EYA3: variants seen among roughly 807,000 people sequenced by gnomAD.
The protein encoded by EYA3 is EYA transcriptional coactivator and phosphatase 3, also known as protein phosphatase EYA3.
EYA3 carries 39 observed loss-of-function variants against 80.0 expected under a neutral mutation model. The observed-to-expected ratio is 0.49, with a 90% CI of 0.38 to 0.64. EYA3 has a LOEUF of 0.64. Ranked by LOEUF, EYA3 falls within the 30% of genes least tolerant of loss-of-function variation. The pLI is 0.00. For missense variants in EYA3, 523 were observed against 676.1 expected, an observed-to-expected ratio of 0.77 and a Z score of 2.51; for synonymous variants, 206 against 232.8, an observed-to-expected ratio of 0.88 and a Z score of 1.05.
At chr1:28,081,545 T>C (rs926342399) in intron 1 of EYA3, among the ~76,000 whole-genome samples, 11 of 152,192 alleles carry the variant, frequency 7.2e-5, no homozygotes, top group Non-Finnish European at 1.5e-4. Flanking sequence ...GTCTGAAATA[T>C]TCCCCCAAAA....
intron 1 of EYA3, among the ~76,000 whole-genome samples, chr1:28,085,950 C>T (rs1645636208): frequency 3.3e-5 from 5 of 152,220 alleles, no homozygotes; most frequent in Admixed American, 3.3e-4. Context: ...AACTTTTCAA[C>T]TTCTACTTCT....
chr1:28,010,803 G>A (rs528557061), intron 10 of EYA3, 144 bp downstream of exon 10: 31 of 866,572 alleles, frequency 3.6e-5, no homozygotes, highest in South Asian at 2.2e-4. Context: ...TTCTTTTAAC[G>A]TGGCCAATTT....
chr1:28,080,896 G>A (rs1432410960), intron 1 of EYA3, among the ~76,000 whole-genome samples: 5 of 151,640 alleles, frequency 3.3e-5, no homozygotes, highest in African/African-American at 7.3e-5. Flanking sequence ...GATTATAGGC[G>A]CCTGCCACCA....
chr1:28,001,286 C>A (rs1052871028), intron 11 of EYA3, among the ~76,000 whole-genome samples: 4 of 149,430 alleles, frequency 2.7e-5, no homozygotes, highest in African/African-American at 9.8e-5. Flanking sequence ...TGTATTTTCA[C>A]GTTCAGGTCT....
chr1:28,073,585 C>T (rs1001920765), intron 1 of EYA3, among the ~76,000 whole-genome samples: 2 of 151,946 alleles, frequency 1.3e-5, no homozygotes, highest in African/African-American at 4.8e-5. Context: ...CAGGTGTGAG[C>T]CATTGCACCC....
chr1:27,988,442 T>C (rs1352515862), intron 16 of EYA3, 93 bp downstream of exon 16: 18 of 1,383,566 alleles, frequency 1.3e-5, no homozygotes, highest in Non-Finnish European at 1.8e-5. Context: ...ACAAATAAAG[T>C]GTCTAACAAG....
chr1:28,079,304 A>G (rs1035077509), intron 1 of EYA3, among the ~76,000 whole-genome samples: 1 of 152,242 alleles, frequency 6.6e-6, no homozygotes, highest in African/African-American at 2.4e-5. Context: ...GAATTGGGAC[A>G]ATACATAAAT....
intron 4 of EYA3, among the ~76,000 whole-genome samples, chr1:28,041,143 C>A (rs1056604334): frequency 6.6e-6 from 1 of 152,124 alleles, no homozygotes; most frequent in Non-Finnish European, 1.5e-5. Context: ...GCCGGCAGAT[C>A]ACTTGAGGTC....
At chr1:27,988,761 T>C (rs1218816360) in intron 15 of EYA3, 105 bp from the exon 16 acceptor site, 2 of 1,315,650 alleles carry the variant, frequency 1.5e-6, no homozygotes, top group Non-Finnish European at 2.1e-6. Flanking sequence ...AAATTAACTT[T>C]AAAGGACCTG....
Position 28,087,874 on chromosome 1 carries a change from A to C in EYA3, c.-69+650T>G, listed in dbSNP as rs12143629. On this transcript the variant is annotated intron_variant, in intron 1 of 17. Coordinates refer to ENST00000373871, the MANE Select transcript of EYA3 (RefSeq NM_001990.4). ...CTAGGAACGCCTTTGTTGTACCCTA[A>C]CTATGGAAGCTACCAGAGTTCAGTC... is the stretch of plus-strand genomic sequence containing the variant. Among the ~76,000 whole-genome samples the C allele has an allele frequency of 7.4e-3, 1,110 of 150,308 alleles. 4 individuals are homozygous for C. Among genetic ancestry groups the C allele is most frequent in the African/African-American group, 0.01 (424 of 41,402 alleles).
chr1:27,989,374 T>C (rs1031846408), intron 15 of EYA3, among the ~76,000 whole-genome samples: 1 of 152,252 alleles, frequency 6.6e-6, no homozygotes, highest in African/African-American at 2.4e-5. Flanking sequence ...TAGGACATTG[T>C]AATAACATCT....
intron 1 of EYA3, among the ~76,000 whole-genome samples, chr1:28,069,177 C>T (rs1644934503): frequency 6.6e-6 from 1 of 151,974 alleles, no homozygotes; most frequent in African/African-American, 2.4e-5. Flanking sequence ...GTGACACAAT[C>T]TCAGCTCACT....
At chr1:28,086,368 T>C (rs1247227516) in intron 1 of EYA3, among the ~76,000 whole-genome samples, 6 of 152,158 alleles carry the variant, frequency 3.9e-5, no homozygotes, top group African/African-American at 9.7e-5. Flanking sequence ...CGCACACCAC[T>C]ACACCAAGCT....
rs931062235 is a variant in EYA3, at chr1:28,035,439, C to A, written c.361+105G>T. 5.5e-6 allele frequency: 7 copies of A among 1,273,760 alleles called. No homozygotes were observed. The African/African-American group carries it at 7.6e-5, about 14-fold the overall frequency. 78.9% of individuals were successfully genotyped at this position (1,273,760 alleles called of 1,614,324 possible). A position where few individuals can be genotyped will look rare whatever the true frequency, so the allele number is the denominator to read the frequency against. ...ACTGTTGCAAAGTTGCATACCCAAC[C>A]ACATATGTAACTAAGTGCTTTGTAA... On this transcript the variant is annotated intron_variant, in intron 6 of 17. Coordinates refer to ENST00000373871, the MANE Select transcript of EYA3 (RefSeq NM_001990.4).
chr1:27,980,061 C>CT (rs982700310), intron 16 of EYA3, among the ~76,000 whole-genome samples: 1 of 152,112 alleles, frequency 6.6e-6, no homozygotes, highest in African/African-American at 2.4e-5. Flanking sequence ...CTTAGGTGCA[C>CT]TTGGGTCTCT....
chr1:28,045,966 A>G (rs1186076874), intron 3 of EYA3, among the ~76,000 whole-genome samples: 5 of 152,204 alleles, frequency 3.3e-5, no homozygotes, highest in African/African-American at 7.2e-5. Context: ...CATGCTACAA[A>G]TGGATAGACC....
intron 1 of EYA3, among the ~76,000 whole-genome samples, chr1:28,075,875 G>T (rs1645181876): frequency 6.6e-6 from 1 of 152,092 alleles, no homozygotes; most frequent in South Asian, 2.1e-4. Context: ...AGTCTCATCA[G>T]CTGAAAGCCA....
At chr1:28,061,298 C>T (rs1052460914) in intron 1 of EYA3, among the ~76,000 whole-genome samples, 1 of 152,162 alleles carries the variant, frequency 6.6e-6, no homozygotes, top group African/African-American at 2.4e-5. Context: ...ATTCTCCTGC[C>T]TTCCAATAAT....
At chr1:28,015,618 A>G (rs908647453) in intron 8 of EYA3, among the ~76,000 whole-genome samples, 7 of 152,142 alleles carry the variant, frequency 4.6e-5, no homozygotes, top group African/African-American at 1.7e-4. Flanking sequence ...AATTAATGAG[A>G]TAGTATTTTA....
Sources: gnomAD v4.1 joint callset for allele counts (sites outside exome capture counted in the v4.1 genomes callset) on GRCh38, gnomAD v4.1.1 for gene constraint, MANE v1.5 for transcripts, NCBI Gene and HGNC (gene_info 2026-07-23, HGNC 2026-07-21) for gene names.